KCNA4: variants seen among roughly 807,000 people sequenced by gnomAD.
KCNA4 encodes potassium voltage-gated channel subfamily A member 4.
In KCNA4, 5 loss-of-function variants were observed where a neutral mutation model predicts 37.2. The ratio of observed to expected loss-of-function variants is 0.13; its 90% CI spans 0.07 to 0.28. The LOEUF (loss-of-function observed/expected upper bound fraction) is 0.28. Ranked by LOEUF, KCNA4 falls within the 10% of genes least tolerant of loss-of-function variation. The pLI, the probability that KCNA4 is intolerant of heterozygous loss-of-function variation, is 1.00. For synonymous variants in KCNA4, 350 were observed against 311.8 expected (o/e 1.12, Z -1.29); for missense variants, 634 against 817.4 (o/e 0.78, Z 2.74).
In KCNA4 at chr11:30,012,564, C is replaced by A; in HGVS notation, c.115G>T (p.Ala39Ser). ...GCCGCTGCAACAGCAGCTGCTGCAG[C>A]TGCCCTGGAGTGAGCAAGCCTCTCC... ...ERERLAHSRAAAAAAVAAATA... is the reference protein window; with the variant it reads ...ERERLAHSRASAAAAVAAATA... Residue 39 changes from alanine (A) to serine (S), a missense_variant, in exon 2 of 2, where the codon GCT (alanine) becomes TCT (serine). Around this residue, in one of 8 missense-constraint regions of KCNA4, gnomAD observed 236 missense variants for 229.5 expected, o/e 1.03. Coordinates refer to ENST00000328224, the MANE Select transcript of KCNA4 (RefSeq NM_002233.4). The A allele has an allele frequency of 6.2e-7, 1 of 1,607,514 alleles. No individual in the cohort carries two copies. The highest frequency in any genetic ancestry group is 8.5e-7 in the Non-Finnish European group (1 of 1,179,962).
At chr11:30,015,199 A>G (rs1313131530) in intron 1 of KCNA4, among the ~76,000 whole-genome samples, 1 of 152,130 alleles carries the variant, frequency 6.6e-6, no homozygotes, top group Non-Finnish European at 1.5e-5. Context: ...ATACTCTGAA[A>G]TGTTTACCCT....
At chr11:30,016,549 A>AG (rs1473736503) in intron 1 of KCNA4, 23 bp downstream of exon 1, 1 of 155,728 alleles carries the variant, frequency 6.4e-6, no homozygotes, top group African/African-American at 2.4e-5. Flanking sequence ...AAAAAAAAAA[A>AG]AAAAAAAAGG....
Position 30,012,752 on chromosome 11 carries a change from C to A in KCNA4, c.-74G>T. 6.6e-7 allele frequency: 1 copy of A among 1,504,488 alleles called. No individual in the cohort carries two copies. Among genetic ancestry groups the A allele is most frequent in the South Asian group, 1.4e-5 (1 of 72,584 alleles). 93.2% of individuals were successfully genotyped at this position (1,504,488 alleles called of 1,614,324 possible). A position where few individuals can be genotyped will look rare whatever the true frequency, so the allele number is the denominator to read the frequency against. ...AGAAAAATAGGGCAGCTTCTTTTCT[C>A]ACCAAATTAAGGTAAGTTTGGAACC... On this transcript the variant is annotated 5_prime_UTR_variant, in exon 2 of 2. The change abolishes the stop of an existing upstream ORF in the 5' untranslated region. Transcript: ENST00000328224.
At position 30,011,397 on chromosome 11, in the gene KCNA4, C is replaced by G. The variant is rs1254944226; in HGVS notation, c.1282G>C (p.Gly428Arg). Residue 428 changes from glycine (G) to arginine (R), a missense_variant, in exon 2 of 2, where the codon GGG (glycine) becomes CGG (arginine). Physicochemically the swap from Gly to Arg is moderately radical, Grantham distance 125. Transcript: ENST00000328224. This position sits in a 1 kb window ranked among gnomAD's most constrained non-coding sequence, Gnocchi z 5.6. Reference sequence around the variant, plus strand: ...TGCTGCTGCTGACCATTGCCACCCCCCTGTTGCTGGGCCAGGTCAGTGCCC... The same window carrying G: ...TGCTGCTGCTGACCATTGCCACCCCGCTGTTGCTGGGCCAGGTCAGTGCCC... ...TLGTDLAQQQ[G>R]GGNGQQQQAM... The G allele has an allele frequency of 1.2e-6, 2 of 1,614,100 alleles. No homozygotes were observed. The highest frequency in any genetic ancestry group is 8.5e-7 in the Non-Finnish European group (1 of 1,180,020).
At chr11:30,014,870 A>G (rs1227524241) in intron 1 of KCNA4, among the ~76,000 whole-genome samples, 1 of 152,156 alleles carries the variant, frequency 6.6e-6, no homozygotes, top group African/African-American at 2.4e-5. Context: ...CAGGGCATCT[A>G]CCAGCTTCTA....
chr11:30,015,986 G>A (rs376812931), intron 1 of KCNA4, among the ~76,000 whole-genome samples: 5 of 151,906 alleles, frequency 3.3e-5, no homozygotes, highest in East Asian at 3.9e-4. Context: ...CACTGTCAGG[G>A]TGGTACCTGA....
chr11:30,015,761 T>G (rs1009281227), intron 1 of KCNA4, among the ~76,000 whole-genome samples: 20 of 152,294 alleles, frequency 1.3e-4, no homozygotes, highest in African/African-American at 4.3e-4. Context: ...GTTAGGAGAA[T>G]CTATTCAAGC....
chr11:30,010,445 T>G lies in KCNA4; in HGVS notation c.*272A>C, dbSNP rs1850292210. 6 of 471,474 alleles carry G rather than the reference T, an allele frequency of 1.3e-5. No homozygotes were observed. In the South Asian group the frequency reaches 2.3e-4, roughly 18 times the overall value. The allele number at this position is 471,474 out of a possible 1,614,324, so 29.2% of individuals were successfully genotyped here. On this transcript the variant is annotated 3_prime_UTR_variant, in exon 2 of 2. Transcript: ENST00000328224. ...ACACACTCTCTCTCTCCATCTTTAC[T>G]GTTAACATCTTTTCCAGTTAATGTG...
At chr11:30,015,405 C>G (rs1164381292) in intron 1 of KCNA4, among the ~76,000 whole-genome samples, 1 of 152,182 alleles carries the variant, frequency 6.6e-6, no homozygotes, top group Non-Finnish European at 1.5e-5. Flanking sequence ...TAGTTGAATA[C>G]TACACACACT....
rs1231138056 is a variant in KCNA4, at chr11:30,011,908, C to T, written c.771G>A (p.Lys257=). ...GGGCCTCCTCCCCCAACTGATAGAACTTCACCTCCTCAGTGAAGATATCAA... is the reference window on the plus strand; with the variant it reads ...GGGCCTCCTCCCCCAACTGATAGAATTTCACCTCCTCAGTGAAGATATCAA... ...VPFDIFTEEV[K]FYQLGEEALL... is the part of the protein sequence containing the mutation. The change falls in exon 2 of 2, where the codon AAG becomes AAA. Residue 257 remains lysine (K), a synonymous_variant. Coordinates refer to ENST00000328224, the MANE Select transcript of KCNA4 (RefSeq NM_002233.4). This position sits in a 1 kb window ranked among gnomAD's most constrained non-coding sequence, Gnocchi z 5.6. 8.1e-6 allele frequency: 13 copies of T among 1,614,188 alleles called. No homozygotes were observed. In the East Asian group the frequency reaches 2.9e-4, roughly 36 times the overall value.
rs774456258 is a variant in KCNA4 at position 30,010,931 on chromosome 11, G to A, written c.1748C>T (p.Ala583Val). ...NEEQTQLTQN[A>V]VSCPYLPSNL... ...AGAGGGGAGGTATGGACAACTGACT[G>A]CATTCTGCGTTAGCTGTGTCTGTTC... The change falls in exon 2 of 2, where the codon GCA (alanine) becomes GTA (valine). Residue 583 changes from alanine to valine, a missense_variant. By Grantham distance (64) the Ala-to-Val change is moderately conservative (BLOSUM62 0). This residue lies in a region of KCNA4 where 91 missense variants were observed against 95.8 expected (regional missense o/e 0.95). Transcript: ENST00000328224. The A allele has an allele frequency of 3.7e-6, 6 of 1,614,176 alleles. 1 individual carries two copies. The South Asian group carries it at 6.6e-5, about 18-fold the overall frequency.
In KCNA4 at chr11:30,013,402, A is replaced by G. The variant is rs1333097356; in HGVS notation, c.-724T>C. Reference sequence around the variant, plus strand: ...GCAAAACCAGCTCTGAGGTCTCCATAGAAATCAAGGAAATGCAGAGCATTC... The same window carrying G: ...GCAAAACCAGCTCTGAGGTCTCCATGGAAATCAAGGAAATGCAGAGCATTC... On this transcript the variant is annotated 5_prime_UTR_variant, in exon 2 of 2. Coordinates refer to ENST00000328224, the MANE Select transcript of KCNA4 (RefSeq NM_002233.4). The G allele has an allele frequency of 1.1e-3, 179 of 167,234 alleles. 1 individual carries two copies. Among genetic ancestry groups the G allele is most frequent in the Non-Finnish European group, 4.4e-5 (3 of 68,132 alleles). 10.4% of individuals were successfully genotyped at this position (167,234 alleles called of 1,614,324 possible).
chr11:30,016,818 C>T lies in KCNA4; in HGVS notation c.-1029G>A. ...GCCTGGGGGTGGGGGTTGGGGCTGC[C>T]CCAGAGAAGACCCCAAGACTCCTGG... On this transcript the variant is annotated 5_prime_UTR_variant, in exon 1 of 2. Transcript: ENST00000328224. 2.5e-6 allele frequency: 1 copy of T among 394,318 alleles called. No individual in the cohort carries two copies. The highest frequency in any genetic ancestry group is 4.5e-6 in the Non-Finnish European group (1 of 223,592). 24.4% of individuals were successfully genotyped at this position (394,318 alleles called of 1,614,324 possible). A position where few individuals can be genotyped will look rare whatever the true frequency, so the allele number is the denominator to read the frequency against.
At position 30,010,543 on chromosome 11, in the gene KCNA4, C is replaced by T; in HGVS notation, c.*174G>A. On this transcript the variant is annotated 3_prime_UTR_variant, in exon 2 of 2. Coordinates refer to ENST00000328224, the MANE Select transcript of KCNA4 (RefSeq NM_002233.4). Reference sequence around the variant, plus strand: ...TTCCTCCCTCTTCTCCAAGATGTATCATTTATTTGATATGTAATACAAGTT... The same window carrying T: ...TTCCTCCCTCTTCTCCAAGATGTATTATTTATTTGATATGTAATACAAGTT... The T allele has an allele frequency of 3.0e-6, 3 of 990,146 alleles. No individual in the cohort carries two copies. Among genetic ancestry groups the T allele is most frequent in the Middle Eastern group, 3.1e-4 (1 of 3,272 alleles). 61.3% of individuals were successfully genotyped at this position (990,146 alleles called of 1,614,324 possible). A position where few individuals can be genotyped will look rare whatever the true frequency, so the allele number is the denominator to read the frequency against.
chr11:30,011,483 A>G lies in KCNA4; in HGVS notation c.1196T>C (p.Phe399Ser). Residue 399 changes from phenylalanine to serine, a missense_variant, in exon 2 of 2, where the codon TTC becomes TCC. Physicochemically the swap from Phe to Ser is radical, Grantham distance 155. This residue lies in a region of KCNA4 where 252 missense variants were observed against 344.2 expected (regional missense o/e 0.73). Coordinates refer to ENST00000328224, the MANE Select transcript of KCNA4 (RefSeq NM_002233.4). This position sits in a 1 kb window ranked among gnomAD's most constrained non-coding sequence, Gnocchi z 5.6. ...RCFACPSQAL[F>S]FKNIMNIIDI... ...AATGATGTTCATGATGTTTTTGAAG[A>G]AGAGTGCTTGGCTGGGACAAGCAAA... The G allele has an allele frequency of 6.2e-7, 1 of 1,614,176 alleles. No homozygotes were observed. The highest frequency in any genetic ancestry group is 8.5e-7 in the Non-Finnish European group (1 of 1,180,034).
chr11:30,014,441 T>TTC, intron 1 of KCNA4, among the ~76,000 whole-genome samples: 1 of 152,290 alleles, frequency 6.6e-6, no homozygotes, highest in East Asian at 1.9e-4. Context: ...ACCTCAATGG[T>TTC]TCCTCCTCCA....
Position 30,011,149 on chromosome 11 carries a change from G to A in KCNA4, c.1530C>T (p.Ser510=), listed in dbSNP as rs1850299219. Reference sequence around the variant, plus strand: ...CAGCCCACCAAAATGCATCTGGGATGCTTTGGAAATGGGTAGTAGGTTCAT... The same window carrying A: ...CAGCCCACCAAAATGCATCTGGGATACTTTGGAAATGGGTAGTAGGTTCAT... ...EADEPTTHFQ[S]IPDAFWWAVV... Residue 510 remains serine (S), a synonymous_variant, in exon 2 of 2, where the codon AGC becomes AGT. Coordinates refer to ENST00000328224, the MANE Select transcript of KCNA4 (RefSeq NM_002233.4). The surrounding 1 kb of genome is among the most constrained non-coding windows in gnomAD (Gnocchi z 5.6). 1 of 1,614,170 alleles carries A rather than the reference G, an allele frequency of 6.2e-7. No homozygotes were observed. Among genetic ancestry groups the A allele is most frequent in the Admixed American group, 1.7e-5 (1 of 60,012 alleles).
At position 30,011,339 on chromosome 11, in the gene KCNA4, C is replaced by A; in HGVS notation, c.1340G>T (p.Arg447Leu). Residue 447 changes from arginine (R) to leucine (L), a missense_variant, in exon 2 of 2, where the codon CGT (arginine) becomes CTT (leucine). By Grantham distance (102) the Arg-to-Leu change is moderately radical. Coordinates refer to ENST00000328224, the MANE Select transcript of KCNA4 (RefSeq NM_002233.4). The surrounding 1 kb of genome is among the most constrained non-coding windows in gnomAD (Gnocchi z 5.6). Reference sequence around the variant, plus strand: ...GAAGATCCGGAATACTCGGACCAGACGAATGATTCTGAGGATGGCAAAGGA... The same window carrying A: ...GAAGATCCGGAATACTCGGACCAGAAGAATGATTCTGAGGATGGCAAAGGA... The part of the protein sequence containing the change: ...AMSFAILRII[R>L]LVRVFRIFKL... 1 of 1,614,066 alleles carries A rather than the reference C, an allele frequency of 6.2e-7. No individual in the cohort carries two copies. Among genetic ancestry groups the A allele is most frequent in the African/African-American group, 1.3e-5 (1 of 74,992 alleles).
At chr11:30,013,681 T>C (rs1850326938) in intron 1 of KCNA4, among the ~76,000 whole-genome samples, 1 of 152,188 alleles carries the variant, frequency 6.6e-6, no homozygotes, top group Non-Finnish European at 1.5e-5. Context: ...TCAGTTTATT[T>C]TTATGGTAAC....
Sources: allele counts gnomAD v4.1 joint callset (sites outside exome capture counted in the v4.1 genomes callset), GRCh38; gene constraint gnomAD v4.1.1; regional missense constraint gnomAD v4.1.1; non-coding constraint Gnocchi (gnomAD v3.1); transcripts MANE v1.5; gene names NCBI Gene and HGNC (gene_info 2026-07-23, HGNC 2026-07-21).